Variants in CNTN4 observed in about 807,000 individuals in gnomAD.
CNTN4 encodes the protein contactin-4.
CNTN4 carries 77 observed loss-of-function variants against 122.5 expected under a neutral mutation model. The ratio of observed to expected loss-of-function variants is 0.63; its 90% CI spans 0.52 to 0.76. CNTN4 has a LOEUF of 0.76. Ranked by LOEUF, CNTN4 falls within the 30% of genes least tolerant of loss-of-function variation. The pLI is 0.00. For missense variants in CNTN4, 1,256 were observed against 1,259.1 expected, an observed-to-expected ratio of 1.00 and a Z score of 0.04; for synonymous variants, 512 against 447.0, an observed-to-expected ratio of 1.15 and a Z score of -1.83.
chr3:2,651,837 G>A (rs1042789249), intron 4 of CNTN4, among the ~76,000 whole-genome samples: 2 of 151,420 alleles, frequency 1.3e-5, no homozygotes, highest in African/African-American at 4.9e-5. Context: ...TCGAGTAGCT[G>A]GGATTACAGG....
In CNTN4 at chr3:2,126,729, C is replaced by T. The variant is rs967535908; in HGVS notation, c.-145+26090C>T. On this transcript the variant is annotated intron_variant, in intron 2 of 24. Coordinates refer to ENST00000418658, the MANE Select transcript of CNTN4 (RefSeq NM_175607.3). ...ACTTCAAACCTGTTTGAAAACTCAT[C>T]AAGTAATATTTTTCTTACTTTAAAT... is the stretch of plus-strand genomic sequence containing the variant. Among the ~76,000 whole-genome samples the T allele has an allele frequency of 2.0e-5, 3 of 152,128 alleles. No homozygotes were observed. In the South Asian group the frequency reaches 6.2e-4, roughly 32 times the overall value.
In CNTN4 at chr3:2,837,041, A is replaced by T. The variant is rs548715237; in HGVS notation, c.454+17460A>T. ...GGGTGATGATACATGAAGGTTCATT[A>T]TACCATGATTTCTACTTTTGTTATT... On this transcript the variant is annotated intron_variant, in intron 7 of 24. Transcript: ENST00000418658. 1.1e-4 allele frequency among the ~76,000 whole-genome samples: 16 copies of T among 152,348 alleles called. No homozygotes were observed. The East Asian group carries it at 2.9e-3, about 28-fold the overall frequency.
At chr3:2,624,724 C>T (rs7619028) in intron 4 of CNTN4, among the ~76,000 whole-genome samples, 12,468 of 150,694 alleles carry the variant, frequency 0.083, 1,756 homozygotes, top group African/African-American at 0.29. Flanking sequence ...CTCCGCCTCC[C>T]GGGTTCAAGC....
At chr3:2,428,199 G>T (rs1425718294) in intron 3 of CNTN4, among the ~76,000 whole-genome samples, 1 of 152,194 alleles carries the variant, frequency 6.6e-6, no homozygotes, top group Non-Finnish European at 1.5e-5. Context: ...TGTTTTTGCA[G>T]TGGCTGGTAC....
intron 6 of CNTN4, among the ~76,000 whole-genome samples, chr3:2,798,372 T>TCTACCTAC (rs1220371292): frequency 3.7e-4 from 55 of 149,818 alleles, no homozygotes; most frequent in African/African-American, 1.3e-3. Flanking sequence ...CATAAATCTA[T>TCTACCTAC]CTATCTATCT....
At chr3:2,695,204 T>G (rs1273882959) in intron 4 of CNTN4, among the ~76,000 whole-genome samples, 3 of 152,164 alleles carry the variant, frequency 2.0e-5, no homozygotes, top group African/African-American at 7.2e-5. Flanking sequence ...TTGATTTGTG[T>G]ATGAGAAACG....
At chr3:2,778,713 C>A (rs574379658) in intron 6 of CNTN4, among the ~76,000 whole-genome samples, 1 of 152,102 alleles carries the variant, frequency 6.6e-6, no homozygotes, top group Admixed American at 6.5e-5. Context: ...ATGAAATAAC[C>A]AATTCAGTGG....
At chr3:2,245,776 T>C (rs1463133859) in intron 2 of CNTN4, among the ~76,000 whole-genome samples, 1 of 152,060 alleles carries the variant, frequency 6.6e-6, no homozygotes, top group African/African-American at 2.4e-5. Context: ...TATGAAAAAT[T>C]ATATACCTTT....
At chr3:2,683,601 AGAT>A (rs1314261672) in intron 4 of CNTN4, among the ~76,000 whole-genome samples, 2 of 152,068 alleles carry the variant, frequency 1.3e-5, no homozygotes, top group African/African-American at 2.4e-5. Context: ...ATGGTGATGA[AGAT>A]GATGATGATT....
At chr3:2,929,121 T>C (rs1356601643) in intron 13 of CNTN4, among the ~76,000 whole-genome samples, 1 of 152,220 alleles carries the variant, frequency 6.6e-6, no homozygotes, top group Non-Finnish European at 1.5e-5. Flanking sequence ...AAAACATTTC[T>C]TATTGTCTTG....
intron 3 of CNTN4, among the ~76,000 whole-genome samples, chr3:2,384,411 C>G (rs1353897530): frequency 1.3e-5 from 2 of 152,092 alleles, no homozygotes; most frequent in African/African-American, 4.8e-5. Flanking sequence ...ACTCGCAGCA[C>G]ATAAATCCGC....
At chr3:2,233,290 T>C (rs1365753351) in intron 2 of CNTN4, among the ~76,000 whole-genome samples, 1 of 152,078 alleles carries the variant, frequency 6.6e-6, no homozygotes, top group East Asian at 1.9e-4. Flanking sequence ...CATATGAATA[T>C]TGAGTATTTT....
intron 4 of CNTN4, among the ~76,000 whole-genome samples, chr3:2,602,843 A>G (rs538378712): frequency 1.3e-5 from 2 of 152,288 alleles, no homozygotes; most frequent in African/African-American, 4.8e-5. Context: ...ACCTTTGCCC[A>G]CTGAATGTGC....
intron 3 of CNTN4, among the ~76,000 whole-genome samples, chr3:2,363,793 A>G (rs1028666785): frequency 6.6e-6 from 1 of 152,334 alleles, no homozygotes; most frequent in Non-Finnish European, 1.5e-5. Context: ...ATTTAAAGTA[A>G]TCTTCAAGGT....
At chr3:2,796,155 C>G (rs956421497) in intron 6 of CNTN4, among the ~76,000 whole-genome samples, 1 of 152,090 alleles carries the variant, frequency 6.6e-6, no homozygotes. Context: ...AGGTTAAATA[C>G]TTGGTTTTGG....
intron 11 of CNTN4, among the ~76,000 whole-genome samples, 177 bp from the exon 12 acceptor site, chr3:2,902,699 T>G (rs1218506853): frequency 3.9e-5 from 6 of 152,242 alleles, no homozygotes; most frequent in Non-Finnish European, 8.8e-5. Context: ...GTTGTTCCAT[T>G]TAGCATCTGA....
intron 2 of CNTN4, among the ~76,000 whole-genome samples, chr3:2,109,546 C>T (rs1004545405): frequency 1.3e-5 from 2 of 152,122 alleles, no homozygotes; most frequent in Non-Finnish European, 2.9e-5. Context: ...TCAGTTTTGT[C>T]ATGGAAATTT....
rs140646371 is a variant in CNTN4, at chr3:2,294,567, G to A, written c.-144-44611G>A. Among the ~76,000 whole-genome samples, 238 of 152,236 alleles carry A rather than the reference G, an allele frequency of 1.6e-3. 1 individual carries two copies. The highest frequency in any genetic ancestry group is 5.5e-3 in the African/African-American group (227 of 41,538). On this transcript the variant is annotated intron_variant, in intron 2 of 24. Coordinates refer to ENST00000418658, the MANE Select transcript of CNTN4 (RefSeq NM_175607.3). ...GATCGCTTGAGCCTGGGAGGCAGAT[G>A]TTGCAGTGAGCCGAGATCGTGCCAC... is the stretch of plus-strand genomic sequence containing the variant.
intron 4 of CNTN4, among the ~76,000 whole-genome samples, chr3:2,633,070 G>A (rs897569463): frequency 6.6e-6 from 1 of 150,544 alleles, no homozygotes; most frequent in African/African-American, 2.4e-5. Context: ...TCTGCCTTTC[G>A]CTTCAAGTTG....
Sources: gnomAD v4.1 joint callset for allele counts (sites outside exome capture counted in the v4.1 genomes callset) on GRCh38, gnomAD v4.1.1 for gene constraint, MANE v1.5 for transcripts, NCBI Gene and HGNC (gene_info 2026-07-23, HGNC 2026-07-21) for gene names.